The following GMPS variants were observed in gnomAD, a reference collection of about 807,000 sequenced individuals.
GMPS encodes GMP synthase [glutamine-hydrolyzing].
Under a neutral mutation model 77.9 loss-of-function variants are expected in GMPS, and 15 were observed. The observed-to-expected ratio is 0.19, with a 90% CI of 0.13 to 0.30. The LOEUF (loss-of-function observed/expected upper bound fraction) is 0.30, where lower values mean the gene tolerates loss of function less well. Ranked by LOEUF, GMPS falls within the 10% of genes least tolerant of loss-of-function variation. GMPS has a pLI of 1.00. For missense variants in GMPS, 590 were observed against 838.8 expected (o/e 0.70, Z 3.66); for synonymous variants, 224 against 275.9 (o/e 0.81, Z 1.86).
intron 1 of GMPS, among the ~76,000 whole-genome samples, chr3:155,877,732 G>A (rs1754085935): frequency 6.6e-6 from 1 of 151,396 alleles, no homozygotes; most frequent in Non-Finnish European, 1.5e-5. Flanking sequence ...TGCAGATTCA[G>A]TGCCTGGTGA....
At chr3:155,925,403 T>A in intron 12 of GMPS, 37 bp downstream of exon 12, 2 of 1,324,990 alleles carry the variant, frequency 1.5e-6, no homozygotes, top group South Asian at 1.8e-5. Context: ...TGATATACTT[T>A]TTTTTTTTTT....
chr3:155,893,701 T>C lies in GMPS; in HGVS notation c.209+2T>C. ...TGCTATAAAGGAACAAGGATTCCGG[T>C]AGACTTTTCACTAATCTTTTCATGA... On this transcript the variant is annotated splice_donor_variant, in intron 2 of 15. Transcript: ENST00000496455. LOFTEE classifies it high-confidence loss of function. 1 of 1,562,594 alleles carries C rather than the reference T, an allele frequency of 6.4e-7. No individual in the cohort carries two copies. Among genetic ancestry groups the C allele is most frequent in the Non-Finnish European group, 8.8e-7 (1 of 1,140,988 alleles).
upstream of GMPS, among the ~76,000 whole-genome samples, chr3:155,869,495 C>T (rs1028483401): frequency 2.0e-5 from 3 of 152,122 alleles, no homozygotes; most frequent in Non-Finnish European, 2.9e-5. Context: ...AAAAGGTAAG[C>T]GAAATACTTA....
rs1577544146 is a variant in GMPS, at chr3:155,942,808, G to A, written c.*5116G>A. The stretch of plus-strand genomic sequence containing the variant: ...CTAGCTAGGTCATGAAACAGACTGA[G>A]CTATTATTGCATCAACACATAAATC... On this transcript the variant is annotated 3_prime_UTR_variant, in exon 16 of 16. Coordinates refer to ENST00000496455, the MANE Select transcript of GMPS (RefSeq NM_003875.3). 1 of 219,532 alleles carries A rather than the reference G, an allele frequency of 4.6e-6. No homozygotes were observed. The highest frequency in any genetic ancestry group is 6.7e-5 in the East Asian group (1 of 14,858). The allele number at this position is 219,532 out of a possible 1,614,324, so 13.6% of individuals were successfully genotyped here. A position where few individuals can be genotyped will look rare whatever the true frequency, so the allele number is the denominator to read the frequency against.
chr3:155,937,429 G>A (rs911568421), intron 15 of GMPS, among the ~76,000 whole-genome samples, 162 bp from the exon 16 acceptor site: 1 of 152,050 alleles, frequency 6.6e-6, no homozygotes, highest in Non-Finnish European at 1.5e-5. Flanking sequence ...CCCTGCAGAG[G>A]GGAATAGGTT....
At position 155,893,685 on chromosome 3, in the gene GMPS, G is replaced by A. The variant is rs777059576; in HGVS notation, c.195G>A (p.Lys65=). 5.0e-6 allele frequency: 8 copies of A among 1,598,402 alleles called. No individual in the cohort carries two copies. In the African/African-American group the frequency reaches 9.4e-5, roughly 19 times the overall value. ...TGGAAACACCAGCATTTGCTATAAA[G>A]GAACAAGGATTCCGGTAGACTTTTC... ...FPLETPAFAI[K]EQGFRAIIIS... is the part of the protein sequence containing the mutation. The change falls in exon 2 of 16, where the codon AAG becomes AAA. Residue 65 remains lysine (K), a synonymous_variant. Coordinates refer to ENST00000496455, the MANE Select transcript of GMPS (RefSeq NM_003875.3).
chr3:155,887,266 T>C (rs1754359440), intron 1 of GMPS, among the ~76,000 whole-genome samples: 1 of 152,134 alleles, frequency 6.6e-6, no homozygotes, highest in South Asian at 2.1e-4. Context: ...CAAAGGAAGA[T>C]TTGAATCTGA....
intron 1 of GMPS, among the ~76,000 whole-genome samples, chr3:155,871,446 C>G (rs1321079020): frequency 2.0e-5 from 3 of 152,218 alleles, no homozygotes; most frequent in Non-Finnish European, 2.9e-5. Flanking sequence ...TCCATTCCCC[C>G]CGCCAGCCTT....
At chr3:155,933,596 G>A (rs990096989) in intron 13 of GMPS, among the ~76,000 whole-genome samples, 9 of 152,200 alleles carry the variant, frequency 5.9e-5, no homozygotes, top group African/African-American at 2.2e-4. Flanking sequence ...AAAGTAGTTG[G>A]TGATACCGGT....
intron 1 of GMPS, among the ~76,000 whole-genome samples, chr3:155,882,347 G>C (rs904658522): frequency 6.6e-6 from 1 of 152,218 alleles, no homozygotes; most frequent in African/African-American, 2.4e-5. Flanking sequence ...ATCCAGTTCA[G>C]CAGTTATCAA....
intron 1 of GMPS, among the ~76,000 whole-genome samples, chr3:155,888,256 G>C (rs557001060): frequency 6.7e-6 from 1 of 150,204 alleles, no homozygotes; most frequent in South Asian, 2.1e-4. Flanking sequence ...GTATGTTTTA[G>C]GGTTGGTCGT....
intron 7 of GMPS, among the ~76,000 whole-genome samples, chr3:155,911,758 G>C (rs931046820): frequency 6.6e-6 from 1 of 150,542 alleles, no homozygotes; most frequent in Admixed American, 6.7e-5. Context: ...AGAATCACTT[G>C]AACCTGGGAG....
Position 155,911,223 on chromosome 3 carries a change from A to G in GMPS, c.830A>G (p.Lys277Arg). 1 of 1,612,832 alleles carries G rather than the reference A, an allele frequency of 6.2e-7. No homozygotes were observed. Among genetic ancestry groups the G allele is most frequent in the Non-Finnish European group, 8.5e-7 (1 of 1,179,116 alleles). Reference sequence around the variant, plus strand: ...CACATTGATAATGGCTTTATGAGAAAACGAGAAAGCCAGTCTGTTGAAGAG... The same window carrying G: ...CACATTGATAATGGCTTTATGAGAAGACGAGAAAGCCAGTCTGTTGAAGAG... ...AVHIDNGFMR[K>R]RESQSVEEAL... Residue 277 changes from lysine to arginine, a missense_variant, in exon 7 of 16, where the codon AAA becomes AGA. Physicochemically the swap from Lys to Arg is conservative, Grantham distance 26 (BLOSUM62 2). This residue lies in a region of GMPS where 181 missense variants were observed against 186.8 expected (regional missense o/e 0.97). Coordinates refer to ENST00000496455, the MANE Select transcript of GMPS (RefSeq NM_003875.3).
chr3:155,934,844 C>A, intron 13 of GMPS, 72 bp from the exon 14 acceptor site: 1 of 1,017,114 alleles, frequency 9.8e-7, no homozygotes, highest in African/African-American at 1.6e-5. Context: ...AAGTGCCTTG[C>A]TTCTCATACT....
Position 155,940,474 on chromosome 3 carries a change from C to A in GMPS, c.*2782C>A. The A allele has an allele frequency of 4.7e-6, 1 of 212,852 alleles. No homozygotes were observed. 13.2% of individuals were successfully genotyped at this position (212,852 alleles called of 1,614,324 possible). ...AAAATTTGTTTCCTCACTGTTTGGGCTTAACCTCCTGATAGCCTGTTTTAC... is the reference window on the plus strand; with the variant it reads ...AAAATTTGTTTCCTCACTGTTTGGGATTAACCTCCTGATAGCCTGTTTTAC... On this transcript the variant is annotated 3_prime_UTR_variant, in exon 16 of 16. Transcript: ENST00000496455.
At chr3:155,936,055 A>G (rs1366056390) in intron 14 of GMPS, among the ~76,000 whole-genome samples, 1 of 152,212 alleles carries the variant, frequency 6.6e-6, no homozygotes, top group African/African-American at 2.4e-5. Flanking sequence ...AGTGTAGAAT[A>G]TAACTATACT....
chr3:155,934,991 G>C lies in GMPS; in HGVS notation c.1752G>C (p.Val584=). 6.2e-7 allele frequency: 1 copy of C among 1,600,080 alleles called. No homozygotes were observed. Among genetic ancestry groups the C allele is most frequent in the Non-Finnish European group, 8.6e-7 (1 of 1,167,252 alleles). ...DVTPTFLTTG[V]LSTLRQADFE... The stretch of plus-strand genomic sequence containing the variant: ...CTCCCACTTTCTTGACAACAGGGGT[G>C]CTCAGTACTTTACGCCAAGCTGATT... Residue 584 remains valine (V), a synonymous_variant, in exon 14 of 16, where the codon GTG becomes GTC. Coordinates refer to ENST00000496455, the MANE Select transcript of GMPS (RefSeq NM_003875.3).
In GMPS at chr3:155,939,040, A is replaced by G. The variant is rs576187452; in HGVS notation, c.*1348A>G. ...GATTCAGTGTTAGACAAACAACAAA[A>G]TGATGCGTGGCAGAAGTCATCTTTT... is the stretch of plus-strand genomic sequence containing the variant. On this transcript the variant is annotated 3_prime_UTR_variant, in exon 16 of 16. Transcript: ENST00000496455. 3.2e-5 allele frequency: 7 copies of G among 218,392 alleles called. No homozygotes were observed. The highest frequency in any genetic ancestry group is 5.5e-5 in the Non-Finnish European group (6 of 108,768). 13.5% of individuals were successfully genotyped at this position (218,392 alleles called of 1,614,324 possible).
Position 155,916,123 on chromosome 3 carries a change from A to G in GMPS, c.1143A>G (p.Ala381=). The G allele has an allele frequency of 1.2e-6, 2 of 1,613,540 alleles. No individual in the cohort carries two copies. The highest frequency in any genetic ancestry group is 1.7e-6 in the Non-Finnish European group (2 of 1,179,490). ...TAATTGAAAGTGCATCCCTTGTTGCAAGTGGCAAAGCTGAACTCATCAAAA... is the reference window on the plus strand; with the variant it reads ...TAATTGAAAGTGCATCCCTTGTTGCGAGTGGCAAAGCTGAACTCATCAAAA... ...PDLIESASLV[A]SGKAELIKTH... is the part of the protein sequence containing the mutation. The change falls in exon 9 of 16, where the codon GCA becomes GCG. Residue 381 remains alanine (A), a synonymous_variant. Transcript: ENST00000496455.
Sources: allele counts gnomAD v4.1 joint callset (sites outside exome capture counted in the v4.1 genomes callset), GRCh38; gene constraint gnomAD v4.1.1; regional missense constraint gnomAD v4.1.1; transcripts MANE v1.5; gene names NCBI Gene and HGNC (gene_info 2026-07-23, HGNC 2026-07-21).